The following SLC12A6 variants were observed in gnomAD, a reference collection of about 807,000 sequenced individuals.
SLC12A6 encodes the protein solute carrier family 12 member 6.
Under a neutral mutation model 135.3 loss-of-function variants are expected in SLC12A6, and 66 were observed. The observed-to-expected ratio is 0.49, with a 90% CI of 0.40 to 0.60. The LOEUF (loss-of-function observed/expected upper bound fraction) is 0.60. SLC12A6 is among the 20% of genes least tolerant of loss of function. The pLI is 0.00. For synonymous variants in SLC12A6, 513 were observed against 508.8 expected (o/e 1.01, Z -0.11); for missense variants, 1,058 against 1,452.3 (o/e 0.73, Z 4.41).
chr15:34,305,502 G>C (rs777135182), intron 2 of SLC12A6, among the ~76,000 whole-genome samples: 2 of 147,784 alleles, frequency 1.4e-5, no homozygotes, highest in Non-Finnish European at 1.5e-5. Context: ...ATTATGTTTC[G>C]GGCGCCTACT....
chr15:34,324,774 T>C (rs1428828163), intron 2 of SLC12A6, among the ~76,000 whole-genome samples: 4 of 151,480 alleles, frequency 2.6e-5, no homozygotes, highest in African/African-American at 9.7e-5. Context: ...TGTGGTATCA[T>C]TTAGAAGGTT....
At chr15:34,288,594 T>C (rs1595505694) in intron 2 of SLC12A6, among the ~76,000 whole-genome samples, 2 of 152,378 alleles carry the variant, frequency 1.3e-5, no homozygotes. Flanking sequence ...ATTTTCATTA[T>C]ATTGATTCTT....
At chr15:34,303,500 G>A (rs1370422987) in intron 2 of SLC12A6, among the ~76,000 whole-genome samples, 3 of 151,950 alleles carry the variant, frequency 2.0e-5, no homozygotes, top group Non-Finnish European at 1.5e-5. Context: ...AAGCTGCTGT[G>A]TATTATCAAC....
chr15:34,284,277 C>CTTTTTTTTTTTTTTTTT (rs71415558), intron 2 of SLC12A6, among the ~76,000 whole-genome samples: 37 of 92,478 alleles, frequency 4.0e-4, no homozygotes, highest in East Asian at 1.1e-3. Context: ...TGTTTCTTTT[C>CTTTTTTTTTTTTTTTTT]TTTTTTTTTT....
At chr15:34,267,577 A>C (rs922383240) in intron 3 of SLC12A6, among the ~76,000 whole-genome samples, 5 of 152,222 alleles carry the variant, frequency 3.3e-5, no homozygotes, top group African/African-American at 1.2e-4. Flanking sequence ...GGCTGGGCGC[A>C]GCAGCCCTCT....
intron 2 of SLC12A6, among the ~76,000 whole-genome samples, chr15:34,305,621 T>C (rs77806292): frequency 6.6e-6 from 1 of 151,854 alleles, no homozygotes; most frequent in Non-Finnish European, 1.5e-5. Flanking sequence ...GAGATAGTTT[T>C]AAAAAAAATA....
intron 2 of SLC12A6, among the ~76,000 whole-genome samples, chr15:34,321,394 G>A (rs1382749135): frequency 1.3e-5 from 2 of 152,164 alleles, no homozygotes; most frequent in Non-Finnish European, 2.9e-5. Context: ...AAGAAGGTGG[G>A]ATGTGAGAAA....
intron 2 of SLC12A6, among the ~76,000 whole-genome samples, chr15:34,300,976 T>C (rs2141013548): frequency 6.6e-6 from 1 of 152,270 alleles, no homozygotes; most frequent in South Asian, 2.1e-4. Context: ...TTCAACATTT[T>C]TGTTTTTTTG....
At chr15:34,333,543 T>G (rs1890004343) in intron 2 of SLC12A6, among the ~76,000 whole-genome samples, 1 of 152,098 alleles carries the variant, frequency 6.6e-6, no homozygotes, top group South Asian at 2.1e-4. Flanking sequence ...ACTCTATTTT[T>G]GTAACTCACT....
Position 34,243,979 on chromosome 15 carries a change from G to A in SLC12A6, c.2037C>T (p.Tyr679=). ...TPNWRPRFRY[Y]HWALSFMGMS... is the part of the protein sequence containing the mutation. ...AATAAAAGAAGCAGACTTACCAATG[G>A]TAGTAGCGGAATCGGGGTCTCCAGT... is the stretch of plus-strand genomic sequence containing the variant. The change falls in exon 16 of 26, where the codon TAC becomes TAT. Residue 679 remains tyrosine, a synonymous_variant. Coordinates refer to ENST00000354181, the MANE Select transcript of SLC12A6 (RefSeq NM_001365088.1). The A allele has an allele frequency of 6.4e-7, 1 of 1,558,010 alleles. No individual in the cohort carries two copies. The highest frequency in any genetic ancestry group is 8.9e-7 in the Non-Finnish European group (1 of 1,128,792).
intron 14 of SLC12A6, 79 bp downstream of exon 14, chr15:34,245,614 T>C: frequency 2.3e-6 from 3 of 1,279,952 alleles, no homozygotes; most frequent in Non-Finnish European, 3.4e-6. Context: ...GATCTAGTAA[T>C]TTCTAAGCCC....
intron 14 of SLC12A6, 112 bp from the exon 15 acceptor site, chr15:34,245,515 C>A: frequency 1.1e-6 from 1 of 891,174 alleles, no homozygotes; most frequent in South Asian, 1.3e-5. Context: ...AACTGTGATA[C>A]CTTTTAAATA....
At chr15:34,242,885 C>G (rs1490660376) in intron 16 of SLC12A6, among the ~76,000 whole-genome samples, 1 of 152,036 alleles carries the variant, frequency 6.6e-6, no homozygotes, top group African/African-American at 2.4e-5. Flanking sequence ...AAAAAATTAG[C>G]CGGGTGTGGT....
rs917125166 is a variant in SLC12A6, at chr15:34,230,716, AAG to A, written c.*3163_*3164del. On this transcript the variant is annotated 3_prime_UTR_variant, in exon 26 of 26. Coordinates refer to ENST00000354181, the MANE Select transcript of SLC12A6 (RefSeq NM_001365088.1). ...GTATTGCTTTATTTGCAGTGATTAA[AAG>A]AGATGAGAGACTTTGGAGACAGACA... 1.3e-5 allele frequency: 2 copies of A among 151,732 alleles called. No homozygotes were observed. Among genetic ancestry groups the A allele is most frequent in the African/African-American group, 4.8e-5 (2 of 41,242 alleles). 9.4% of individuals were successfully genotyped at this position (151,732 alleles called of 1,614,324 possible).
At chr15:34,268,672 C>G (rs1893689184) in intron 3 of SLC12A6, among the ~76,000 whole-genome samples, 2 of 152,106 alleles carry the variant, frequency 1.3e-5, no homozygotes, top group Admixed American at 6.5e-5. Flanking sequence ...AATGGAACTT[C>G]TAGTTTCTGA....
intron 2 of SLC12A6, among the ~76,000 whole-genome samples, chr15:34,295,014 G>C (rs1895787682): frequency 6.6e-6 from 1 of 152,154 alleles, no homozygotes; most frequent in Non-Finnish European, 1.5e-5. Flanking sequence ...ACCAATAAAA[G>C]TCTCCTAGTA....
rs370477960 is a variant in SLC12A6 at position 34,250,974 on chromosome 15, T to G, written c.1417A>C (p.Asn473His). The change falls in exon 11 of 26, where the codon AAC becomes CAC. Residue 473 changes from asparagine to histidine, a missense_variant. By Grantham distance (68) the Asn-to-His change is moderately conservative (BLOSUM62 1). Transcript: ENST00000354181. ...AKSSDVLGSL[N>H]HEYVLVDITT... ...ATGTCAACAAGAACATATTCATGGT[T>G]TAAGCTGCCTAAGACATCAGAAGAT... 6.2e-7 allele frequency: 1 copy of G among 1,611,728 alleles called. No homozygotes were observed. The highest frequency in any genetic ancestry group is 1.7e-5 in the Admixed American group (1 of 60,018).
intron 5 of SLC12A6, 21 bp from the exon 6 acceptor site, chr15:34,257,809 A>T: frequency 6.5e-7 from 1 of 1,544,196 alleles, no homozygotes; most frequent in Non-Finnish European, 8.9e-7. Flanking sequence ...AGACATTGAT[A>T]AAAAATCACA....
chr15:34,307,399 G>T (rs1014309878), intron 2 of SLC12A6, among the ~76,000 whole-genome samples: 2 of 152,120 alleles, frequency 1.3e-5, no homozygotes, highest in African/African-American at 2.4e-5. Context: ...CTCAATACAG[G>T]TGAAGAGATA....
Sources: allele counts gnomAD v4.1 joint callset (sites outside exome capture counted in the v4.1 genomes callset), GRCh38; gene constraint gnomAD v4.1.1; transcripts MANE v1.5; gene names NCBI Gene and HGNC (gene_info 2026-07-23, HGNC 2026-07-21).